The following NAALADL2 variants were observed in gnomAD, a reference collection of about 807,000 sequenced individuals.
NAALADL2 encodes N-acetylated alpha-linked acidic dipeptidase like 2.
In NAALADL2, 76 loss-of-function variants were observed where a neutral mutation model predicts 87.2. That is an observed-to-expected ratio of 0.87 (90% CI 0.72 to 1.05). The LOEUF is 1.05. NAALADL2 is among the 50% of genes least tolerant of loss of function. The pLI is 0.00. For synonymous variants in NAALADL2, 354 were observed against 331.0 expected (o/e 1.07, Z -0.75); for missense variants, 1,089 against 945.8 (o/e 1.15, Z -1.99).
chr3:175,422,835 C>T (rs1715937924), intron 5 of NAALADL2, among the ~76,000 whole-genome samples: 1 of 151,598 alleles, frequency 6.6e-6, no homozygotes, highest in African/African-American at 2.4e-5. Context: ...CCTGTTTTTG[C>T]TAATTGCCTT....
chr3:175,343,641 T>G (rs1246432951), intron 5 of NAALADL2, among the ~76,000 whole-genome samples: 16 of 149,634 alleles, frequency 1.1e-4, no homozygotes, highest in Non-Finnish European at 1.0e-4. Flanking sequence ...GGAGTTCCTG[T>G]GTGTCTTGAT....
intron 11 of NAALADL2, among the ~76,000 whole-genome samples, chr3:175,658,545 G>A (rs1731814265): frequency 6.6e-6 from 1 of 152,090 alleles, no homozygotes; most frequent in Non-Finnish European, 1.5e-5. Context: ...ATATGCAACA[G>A]GGTAGAAATT....
chr3:175,155,739 G>T (rs1397847552), intron 2 of NAALADL2, among the ~76,000 whole-genome samples: 1 of 152,086 alleles, frequency 6.6e-6, no homozygotes, highest in African/African-American at 2.4e-5. Flanking sequence ...CAATAACTGG[G>T]CATTGGAATC....
At chr3:174,951,706 G>A (rs1183508535) in intron 1 of NAALADL2, among the ~76,000 whole-genome samples, 1 of 152,038 alleles carries the variant, frequency 6.6e-6, no homozygotes, top group Non-Finnish European at 1.5e-5. Context: ...ATAACTTTGT[G>A]TTGCATCATC....
chr3:174,466,875 T>C (rs1716564712), intron 1 of NAALADL2, among the ~76,000 whole-genome samples: 1 of 152,224 alleles, frequency 6.6e-6, no homozygotes, highest in Non-Finnish European at 1.5e-5. Context: ...AATGTTACTG[T>C]TATAGGTTGC....
chr3:175,244,008 C>T (rs1260622754), intron 3 of NAALADL2, among the ~76,000 whole-genome samples: 7 of 152,134 alleles, frequency 4.6e-5, no homozygotes, highest in African/African-American at 1.7e-4. Flanking sequence ...GACTGACTGG[C>T]TCACAAGCCC....
At chr3:175,356,838 C>T (rs910367288) in intron 5 of NAALADL2, among the ~76,000 whole-genome samples, 3 of 151,916 alleles carry the variant, frequency 2.0e-5, no homozygotes, top group African/African-American at 7.2e-5. Flanking sequence ...AAGTTCTTGG[C>T]CAAGCATGTT....
At chr3:174,669,339 CA>C (rs1726299301) in intron 2 of NAALADL2, among the ~76,000 whole-genome samples, 1 of 151,894 alleles carries the variant, frequency 6.6e-6, no homozygotes, top group Non-Finnish European at 1.5e-5. Context: ...GAGTAGATTG[CA>C]AAAATTTTCT....
At chr3:175,472,562 T>A (rs760464080) in intron 9 of NAALADL2, among the ~76,000 whole-genome samples, 2 of 152,106 alleles carry the variant, frequency 1.3e-5, no homozygotes, top group African/African-American at 2.4e-5. Flanking sequence ...CAGGACTTTT[T>A]GGGGAGTATT....
intron 2 of NAALADL2, among the ~76,000 whole-genome samples, chr3:175,148,006 G>T (rs1483991213): frequency 6.6e-6 from 1 of 151,380 alleles, no homozygotes; most frequent in Admixed American, 6.6e-5. Flanking sequence ...GGAGGCAGAA[G>T]TTGCAGTGAG....
intron 2 of NAALADL2, among the ~76,000 whole-genome samples, chr3:175,167,075 C>T (rs1272765516): frequency 6.6e-6 from 1 of 151,982 alleles, no homozygotes; most frequent in African/African-American, 2.4e-5. Context: ...ATCTTCCTGT[C>T]TCCATTCTTG....
intron 2 of NAALADL2, among the ~76,000 whole-genome samples, chr3:174,688,838 T>C (rs1395518078): frequency 6.6e-6 from 1 of 152,138 alleles, no homozygotes; most frequent in Non-Finnish European, 1.5e-5. Context: ...CTTAAAAGTA[T>C]GTTTTTGTTC....
At chr3:174,954,577 C>T (rs975488526) in intron 1 of NAALADL2, among the ~76,000 whole-genome samples, 2 of 152,026 alleles carry the variant, frequency 1.3e-5, no homozygotes, top group African/African-American at 4.8e-5. Context: ...TATGTGTTTA[C>T]AGTGAGACAT....
chr3:175,677,317 C>T (rs1027340599), intron 11 of NAALADL2, among the ~76,000 whole-genome samples: 4 of 151,902 alleles, frequency 2.6e-5, no homozygotes, highest in African/African-American at 9.7e-5. Flanking sequence ...GAGCCAAGAT[C>T]GTGCCCTTGC....
At chr3:175,064,251 A>C (rs964342450) in intron 1 of NAALADL2, among the ~76,000 whole-genome samples, 1 of 151,728 alleles carries the variant, frequency 6.6e-6, no homozygotes, top group Non-Finnish European at 1.5e-5. Flanking sequence ...AAAGAAGAAA[A>C]AAAAAAAAAG....
At chr3:175,279,498 A>T (rs1754000636) in intron 4 of NAALADL2, among the ~76,000 whole-genome samples, 1 of 151,766 alleles carries the variant, frequency 6.6e-6, no homozygotes, top group African/African-American at 2.4e-5. Context: ...TTTTTTTTTA[A>T]AAAAATCTCC....
chr3:174,958,083 C>T (rs978128043), intron 1 of NAALADL2, among the ~76,000 whole-genome samples: 6 of 151,452 alleles, frequency 4.0e-5, no homozygotes, highest in South Asian at 2.1e-4. Context: ...TCCTCCCCTC[C>T]GGAAGGAACT....
chr3:175,626,157 C>A (rs1726952962), intron 10 of NAALADL2, among the ~76,000 whole-genome samples: 1 of 151,894 alleles, frequency 6.6e-6, no homozygotes, highest in Non-Finnish European at 1.5e-5. Context: ...TACATCCCAC[C>A]CTCATTTCAG....
chr3:175,660,563 T>C (rs1732111912), intron 11 of NAALADL2, among the ~76,000 whole-genome samples: 1 of 152,152 alleles, frequency 6.6e-6, no homozygotes, highest in South Asian at 2.1e-4. Context: ...TAAATTATTG[T>C]TAACTATAAT....
Sources: allele counts gnomAD v4.1 joint callset (sites outside exome capture counted in the v4.1 genomes callset), GRCh38; gene constraint gnomAD v4.1.1; transcripts MANE v1.5; gene names NCBI Gene and HGNC (gene_info 2026-07-23, HGNC 2026-07-21).